The following KIF5C variants were observed in gnomAD, a reference collection of about 807,000 sequenced individuals.
KIF5C encodes kinesin family member 5C, also known as kinesin heavy chain isoform 5C.
A neutral mutation model predicts 125.2 loss-of-function variants in KIF5C; 18 were observed. The ratio of observed to expected loss-of-function variants is 0.14; its 90% CI spans 0.10 to 0.21. The LOEUF is 0.21. KIF5C is among the 10% of genes least tolerant of loss of function. The pLI, the probability that KIF5C is intolerant of heterozygous loss-of-function variation, is 1.00. For missense variants in KIF5C, 780 were observed against 1,183.8 expected (o/e 0.66, Z 5.01); for synonymous variants, 405 against 434.0 (o/e 0.93, Z 0.83).
Position 149,011,553 on chromosome 2 carries a change from C to T in KIF5C, c.2768-17C>T. ...TCTAAATGTCTGTTCTCTCTTCTTT[C>T]TGTTGGTTGGATACAGCCAAGCCCA... is the stretch of plus-strand genomic sequence containing the variant. On this transcript the variant is annotated splice_polypyrimidine_tract_variant and intron_variant, in intron 24 of 25. Transcript: ENST00000435030. The T allele has an allele frequency of 4.3e-6, 7 of 1,613,646 alleles. No individual in the cohort carries two copies. Among genetic ancestry groups the T allele is most frequent in the Non-Finnish European group, 5.9e-6 (7 of 1,179,624 alleles).
intron 1 of KIF5C, among the ~76,000 whole-genome samples, chr2:148,880,562 CTG>C (rs1466423034): frequency 6.6e-6 from 1 of 152,224 alleles, no homozygotes. Context: ...ACGGTTAACT[CTG>C]TAAGAAACTG....
chr2:148,934,487 AC>A (rs1370530900), intron 3 of KIF5C, among the ~76,000 whole-genome samples: 1 of 150,024 alleles, frequency 6.7e-6, no homozygotes, highest in South Asian at 2.1e-4. Context: ...ACACAGAGAC[AC>A]CCCCCACATA....
chr2:148,951,812 G>A (rs1682665865), intron 10 of KIF5C, among the ~76,000 whole-genome samples: 1 of 152,134 alleles, frequency 6.6e-6, no homozygotes, highest in Admixed American at 6.6e-5. Flanking sequence ...GTGTGGTTAT[G>A]CCTAAGGAAT....
At chr2:148,990,416 A>C (rs1681494134) in intron 15 of KIF5C, among the ~76,000 whole-genome samples, 1 of 152,240 alleles carries the variant, frequency 6.6e-6, no homozygotes, top group Non-Finnish European at 1.5e-5. Flanking sequence ...TTATGCTGAG[A>C]AACCTTCATC....
chr2:148,948,288 C>T (rs560073625), intron 8 of KIF5C, among the ~76,000 whole-genome samples: 9 of 149,530 alleles, frequency 6.0e-5, no homozygotes, highest in East Asian at 3.9e-4. Flanking sequence ...ACCCGGGAGG[C>T]GGAGCTTGCA....
intron 1 of KIF5C, chr2:148,878,796 C>T (rs941393346): frequency 1.3e-5 from 2 of 152,126 alleles, no homozygotes. Flanking sequence ...CTGTGGATGA[C>T]CAAAGAAGCC....
intron 10 of KIF5C, among the ~76,000 whole-genome samples, chr2:148,955,438 C>T (rs1682769976): frequency 6.6e-6 from 1 of 152,120 alleles, no homozygotes; most frequent in Non-Finnish European, 1.5e-5. Flanking sequence ...ATGGAGGTTT[C>T]ATGGAGAAGA....
At chr2:148,890,575 A>G (rs147137967) in intron 1 of KIF5C, among the ~76,000 whole-genome samples, 4 of 152,260 alleles carry the variant, frequency 2.6e-5, no homozygotes, top group African/African-American at 4.8e-5. Context: ...GAGAGGCCTG[A>G]GTATAGAGGA....
chr2:148,956,765 C>T (rs1050312043), intron 10 of KIF5C, among the ~76,000 whole-genome samples: 6 of 152,140 alleles, frequency 3.9e-5, no homozygotes, highest in South Asian at 2.1e-4. Flanking sequence ...GTTCCTGCTG[C>T]GGTTATAACT....
At chr2:148,994,680 G>T in intron 17 of KIF5C, 142 bp downstream of exon 17, 1 of 1,052,632 alleles carries the variant, frequency 9.5e-7, no homozygotes, top group Non-Finnish European at 1.3e-6. Flanking sequence ...TAGAAAAAAA[G>T]GAGCGATTTC....
Position 148,942,748 on chromosome 2 carries a change from G to A in KIF5C, c.577G>A (p.Val193Met), listed in dbSNP as rs1005104685. Residue 193 changes from valine to methionine, a missense_variant, in exon 7 of 26, where the codon GTG (valine) becomes ATG (methionine). This residue lies in a region of KIF5C where 207 missense variants were observed against 441.2 expected (regional missense o/e 0.47). Transcript: ENST00000435030. ...AGATGAAGGCAAAGCAAACCGACAC[G>A]TGGCTGTGACAAGTAAGCATGGTGG... ...VIDEGKANRH[V>M]AVTNMNEHSS... 4 of 1,609,692 alleles carry A rather than the reference G, an allele frequency of 2.5e-6. No individual in the cohort carries two copies. The highest frequency in any genetic ancestry group is 2.2e-5 in the East Asian group (1 of 44,770).
intron 1 of KIF5C, among the ~76,000 whole-genome samples, chr2:148,882,252 A>G (rs1038150947): frequency 6.6e-6 from 1 of 152,164 alleles, no homozygotes; most frequent in African/African-American, 2.4e-5. Context: ...TTCCTAAACC[A>G]CGCTGAGTTC....
Position 148,998,485 on chromosome 2 carries a change from A to G in KIF5C, c.2186A>G (p.Gln729Arg). ...SRLRDEIEEK[Q>R]KIIDEIRDLN... ...CTCCGAGACGAAATTGAGGAGAAGC[A>G]GAAAATCATTGATGAGATTCGGGAG... Residue 729 changes from glutamine (Q) to arginine (R), a missense_variant, in exon 19 of 26, where the codon CAG becomes CGG. Gln to Arg is a conservative substitution (Grantham distance 43, BLOSUM62 1). Transcript: ENST00000435030. 6.4e-7 allele frequency: 1 copy of G among 1,560,034 alleles called. No individual in the cohort carries two copies. Among genetic ancestry groups the G allele is most frequent in the Non-Finnish European group, 8.7e-7 (1 of 1,151,782 alleles).
chr2:148,942,758 CAAGT>C lies in KIF5C; in HGVS notation c.589+2_589+5del. The stretch of plus-strand genomic sequence containing the variant: ...AAAGCAAACCGACACGTGGCTGTGA[CAAGT>C]AAGCATGGTGGGGGTGTTTCCTCCC... On this transcript the variant is annotated splice_donor_variant and coding_sequence_variant, in exon 7 of 26. Coordinates refer to ENST00000435030, the MANE Select transcript of KIF5C (RefSeq NM_004522.3). LOFTEE classifies it high-confidence loss of function. The C allele has an allele frequency of 6.2e-7, 1 of 1,608,150 alleles. No homozygotes were observed. The highest frequency in any genetic ancestry group is 8.5e-7 in the Non-Finnish European group (1 of 1,177,430).
chr2:148,907,096 A>G (rs1015372134), intron 1 of KIF5C, among the ~76,000 whole-genome samples: 1 of 152,262 alleles, frequency 6.6e-6, no homozygotes, highest in African/African-American at 2.4e-5. Flanking sequence ...AAAAACTGAG[A>G]AGGACAATGA....
intron 12 of KIF5C, among the ~76,000 whole-genome samples, chr2:148,977,648 A>G (rs1347464694): frequency 6.6e-6 from 1 of 152,226 alleles, no homozygotes; most frequent in Non-Finnish European, 1.5e-5. Context: ...ACATTGGTGT[A>G]AAGGGTTCAG....
intron 22 of KIF5C, among the ~76,000 whole-genome samples, chr2:149,007,555 T>G (rs910999749): frequency 6.6e-6 from 1 of 152,220 alleles, no homozygotes; most frequent in Non-Finnish European, 1.5e-5. Context: ...GGTGACTTGT[T>G]GTCCCACCAT....
chr2:148,977,042 T>G (rs1435136681), intron 12 of KIF5C, among the ~76,000 whole-genome samples: 1 of 152,108 alleles, frequency 6.6e-6, no homozygotes, highest in Non-Finnish European at 1.5e-5. Context: ...TAAGCACACC[T>G]TATTATTCTG....
At chr2:148,941,847 T>A in intron 5 of KIF5C, 88 bp from the exon 6 acceptor site, 1 of 1,534,502 alleles carries the variant, frequency 6.5e-7, no homozygotes, top group Non-Finnish European at 8.8e-7. Context: ...GATTTGACTG[T>A]CTTTGTAACA....
Sources: gnomAD v4.1 joint callset for allele counts (sites outside exome capture counted in the v4.1 genomes callset) on GRCh38, gnomAD v4.1.1 for gene constraint, gnomAD v4.1.1 regional missense constraint, MANE v1.5 for transcripts, NCBI Gene and HGNC (gene_info 2026-07-23, HGNC 2026-07-21) for gene names.